Variants in TMEM132D observed in about 807,000 individuals in gnomAD.
TMEM132D encodes transmembrane protein 132D.
A neutral mutation model predicts 62.3 loss-of-function variants in TMEM132D; 21 were observed. The observed-to-expected ratio is 0.34, with a 90% confidence interval of 0.24 to 0.49. TMEM132D has a LOEUF of 0.49. TMEM132D is among the 20% of genes least tolerant of loss of function. The probability of loss-of-function intolerance (pLI) is 0.99; values close to 1 mark genes in which losing one functional copy is unlikely to be tolerated. For synonymous variants in TMEM132D, 621 were observed against 575.6 expected, an observed-to-expected ratio of 1.08 and a Z score of -1.13; for missense variants, 1,346 against 1,402.8, an observed-to-expected ratio of 0.96 and a Z score of 0.65.
chr12:129,749,280 A>G (rs1332404341), intron 1 of TMEM132D, among the ~76,000 whole-genome samples: 2 of 152,180 alleles, frequency 1.3e-5, no homozygotes, highest in African/African-American at 4.8e-5. Context: ...GCACAGCTCT[A>G]GAGCCTCCTC....
intron 3 of TMEM132D, among the ~76,000 whole-genome samples, chr12:129,404,448 C>T (rs1009599695): frequency 1.3e-5 from 2 of 152,224 alleles, no homozygotes; most frequent in Non-Finnish European, 2.9e-5. Context: ...TCACCCGCCT[C>T]AGCCTCCCAA....
At chr12:129,082,294 T>C (rs1185137483) in intron 6 of TMEM132D, among the ~76,000 whole-genome samples, 2 of 152,210 alleles carry the variant, frequency 1.3e-5, no homozygotes, top group Admixed American at 1.3e-4. Context: ...TACTACTTTG[T>C]GTAAACCTCT....
intron 1 of TMEM132D, among the ~76,000 whole-genome samples, chr12:129,876,054 C>T (rs776565122): frequency 2.0e-5 from 3 of 152,112 alleles, no homozygotes; most frequent in South Asian, 2.1e-4. Flanking sequence ...AGACTTCATT[C>T]GACAGACCTA....
chr12:129,427,791 A>C (rs1872540800), intron 3 of TMEM132D, among the ~76,000 whole-genome samples: 1 of 152,140 alleles, frequency 6.6e-6, no homozygotes, highest in Non-Finnish European at 1.5e-5. Context: ...AAACAAAACC[A>C]GGTCTTAGGG....
chr12:129,602,914 G>C (rs1878519542), intron 2 of TMEM132D, among the ~76,000 whole-genome samples: 1 of 152,140 alleles, frequency 6.6e-6, no homozygotes, highest in Non-Finnish European at 1.5e-5. Context: ...GAGAGGTGCT[G>C]AGCAAAAGGG....
intron 2 of TMEM132D, among the ~76,000 whole-genome samples, chr12:129,658,348 C>A (rs1441552786): frequency 1.3e-5 from 2 of 152,142 alleles, no homozygotes; most frequent in Admixed American, 6.5e-5. Context: ...TTCAACAAAT[C>A]CCCTTAGCCT....
chr12:129,574,248 CAT>C (rs1222660111), intron 2 of TMEM132D, among the ~76,000 whole-genome samples: 1 of 151,852 alleles, frequency 6.6e-6, no homozygotes, highest in African/African-American at 2.4e-5. Context: ...ATAAAGCAGA[CAT>C]GGTTTAAATG....
chr12:129,278,857 C>G (rs1322383767), intron 4 of TMEM132D, among the ~76,000 whole-genome samples: 1 of 152,140 alleles, frequency 6.6e-6, no homozygotes, highest in Non-Finnish European at 1.5e-5. Context: ...ATATCATTTT[C>G]TTCCTGTTGT....
chr12:129,555,126 T>C (rs1018321933), intron 2 of TMEM132D, among the ~76,000 whole-genome samples: 2 of 152,244 alleles, frequency 1.3e-5, no homozygotes, highest in African/African-American at 4.8e-5. Flanking sequence ...GCTAAATTGA[T>C]TGCAATGCCT....
intron 3 of TMEM132D, among the ~76,000 whole-genome samples, chr12:129,389,036 A>G (rs1871223053): frequency 8.3e-6 from 1 of 120,008 alleles, no homozygotes; most frequent in African/African-American, 3.3e-5. Context: ...CAGCACGATA[A>G]TAATATTAAC....
chr12:129,540,414 G>A (rs1248611764), intron 2 of TMEM132D, among the ~76,000 whole-genome samples: 1 of 152,140 alleles, frequency 6.6e-6, no homozygotes, highest in East Asian at 1.9e-4. Context: ...AAGGACTGAA[G>A]TGAGTAATTC....
At chr12:129,210,934 C>T (rs1227112107) in intron 4 of TMEM132D, 1 of 152,368 alleles carries the variant, frequency 6.6e-6, no homozygotes, top group Admixed American at 6.5e-5. Context: ...CTCCAGCACA[C>T]CCATGCTCAT....
At chr12:129,862,193 T>C (rs962072506) in intron 1 of TMEM132D, among the ~76,000 whole-genome samples, 15 of 152,194 alleles carry the variant, frequency 9.9e-5, no homozygotes, top group Non-Finnish European at 1.8e-4. Flanking sequence ...GTCTGGGAAG[T>C]GGGAAAAATA....
intron 2 of TMEM132D, among the ~76,000 whole-genome samples, chr12:129,676,196 C>A (rs151294118): frequency 1.3e-5 from 2 of 152,230 alleles, no homozygotes; most frequent in East Asian, 1.9e-4. Flanking sequence ...AAAAAATAAA[C>A]CACATCAAGA....
chr12:129,664,717 G>A (rs918138289), intron 2 of TMEM132D, among the ~76,000 whole-genome samples: 2 of 151,992 alleles, frequency 1.3e-5, no homozygotes, highest in African/African-American at 4.8e-5. Flanking sequence ...GAGCCACTGC[G>A]GCCGGCCTAG....
intron 3 of TMEM132D, among the ~76,000 whole-genome samples, chr12:129,442,169 G>A (rs1043156862): frequency 2.0e-5 from 3 of 152,164 alleles, no homozygotes; most frequent in Admixed American, 6.5e-5. Flanking sequence ...AGCCTGCAAC[G>A]CTTGTCTTTC....
At chr12:129,180,130 T>G (rs1415975192) in intron 5 of TMEM132D, among the ~76,000 whole-genome samples, 1 of 152,132 alleles carries the variant, frequency 6.6e-6, no homozygotes, top group Non-Finnish European at 1.5e-5. Flanking sequence ...GCTGGGACTT[T>G]GACCACTCTC....
intron 3 of TMEM132D, among the ~76,000 whole-genome samples, chr12:129,367,777 CTT>C (rs60004106): frequency 0.25 from 30,587 of 122,482 alleles, 2,923 homozygotes; most frequent in Non-Finnish European, 0.26. Flanking sequence ...CATTTCTTTT[CTT>C]TTTTTTTTTT....
intron 2 of TMEM132D, among the ~76,000 whole-genome samples, chr12:129,611,950 C>G (rs932896966): frequency 2.0e-5 from 3 of 152,182 alleles, no homozygotes; most frequent in African/African-American, 7.2e-5. Flanking sequence ...GTCTCATGCT[C>G]TCACTCCATC....
Sources: allele counts gnomAD v4.1 joint callset (sites outside exome capture counted in the v4.1 genomes callset), GRCh38; gene constraint gnomAD v4.1.1; transcripts MANE v1.5; gene names NCBI Gene and HGNC (gene_info 2026-07-23, HGNC 2026-07-21).